The following PKD1L1 variants were observed in gnomAD, a reference collection of about 807,000 sequenced individuals.
PKD1L1 encodes the protein polycystin-1-like protein 1.
Under a neutral mutation model 323.4 loss-of-function variants are expected in PKD1L1, and 236 were observed. That is an observed-to-expected ratio of 0.73 (90% CI 0.66 to 0.81). PKD1L1 has a LOEUF of 0.81. PKD1L1 is among the 40% of genes least tolerant of loss of function. The probability of loss-of-function intolerance (pLI) is 0.00; values close to 1 mark genes in which losing one functional copy is unlikely to be tolerated. For synonymous variants in PKD1L1, 1,344 were observed against 1,335.0 expected (o/e 1.01, Z -0.15); for missense variants, 3,320 against 3,508.0 (o/e 0.95, Z 1.35).
At chr7:47,886,277 A>C (rs1786682730) in intron 17 of PKD1L1, among the ~76,000 whole-genome samples, 1 of 152,006 alleles carries the variant, frequency 6.6e-6, no homozygotes, top group Non-Finnish European at 1.5e-5. Context: ...AGAAGGCAGG[A>C]TTCACAGCGA....
Position 47,917,613 on chromosome 7 carries a change from A to T in PKD1L1, c.1061-2014T>A, listed in dbSNP as rs564452623. ...CCAGGTAACCTATAAAGGAAAACGT[A>T]TCAGATTAGCAGCAGATTTCTCAGC... On this transcript the variant is annotated intron_variant, in intron 7 of 56. Transcript: ENST00000289672. Among the ~76,000 whole-genome samples, 78 of 152,378 alleles carry T rather than the reference A, an allele frequency of 5.1e-4. 1 individual carries two copies. Among genetic ancestry groups the T allele is most frequent in the Admixed American group, 8.5e-4 (13 of 15,304 alleles).
In PKD1L1 at chr7:47,835,055, G is replaced by A. The variant is rs756704813; in HGVS notation, c.6055-16C>T. ...CCGGGGCTTCCTGCAGAAGGAAAGA[G>A]GTGGTTCGCCAAGCGTGTTCCCCAG... On this transcript the variant is annotated splice_polypyrimidine_tract_variant and intron_variant, in intron 38 of 56. Transcript: ENST00000289672. The A allele has an allele frequency of 2.0e-5, 32 of 1,613,266 alleles. No individual in the cohort carries two copies. In the South Asian group the frequency reaches 3.4e-4, roughly 17 times the overall value.
At chr7:47,804,942 T>C (rs1584954784) in intron 52 of PKD1L1, among the ~76,000 whole-genome samples, 1 of 152,044 alleles carries the variant, frequency 6.6e-6, no homozygotes, top group Non-Finnish European at 1.5e-5. Flanking sequence ...GTGGACAGAG[T>C]GGAAGGGCCG....
rs1785474863 is a variant in PKD1L1, at chr7:47,837,077, G to C, written c.5787C>G (p.Phe1929Leu). 1 of 1,613,976 alleles carries C rather than the reference G, an allele frequency of 6.2e-7. No homozygotes were observed. The highest frequency in any genetic ancestry group is 1.7e-5 in the Admixed American group (1 of 59,994). ...LGFRKLFYCK[F>L]TEYLEDFHVW... ...CATGGAAATCCTCCAGGTACTCTGT[G>C]AACTTGCAATAGAAAAGCTGAAACG... Residue 1929 changes from phenylalanine (F) to leucine (L), a missense_variant, in exon 37 of 57, where the codon TTC (phenylalanine) becomes TTG (leucine). Physicochemically the swap from Phe to Leu is conservative, Grantham distance 22. Transcript: ENST00000289672.
At chr7:47,885,354 A>G (rs1786658458) in intron 18 of PKD1L1, among the ~76,000 whole-genome samples, 1 of 152,196 alleles carries the variant, frequency 6.6e-6, no homozygotes, top group Non-Finnish European at 1.5e-5. Flanking sequence ...AAACCCAATG[A>G]TAAAGTGAAG....
intron 31 of PKD1L1, among the ~76,000 whole-genome samples, chr7:47,848,001 T>C (rs1013727972): frequency 3.9e-5 from 6 of 152,142 alleles, no homozygotes; most frequent in South Asian, 2.1e-4. Context: ...GCTTTAAATA[T>C]ATGAAAAAAT....
chr7:47,903,940 A>G (rs1413726592), intron 12 of PKD1L1, among the ~76,000 whole-genome samples: 1 of 152,166 alleles, frequency 6.6e-6, no homozygotes, highest in Non-Finnish European at 1.5e-5. Flanking sequence ...ATATGACATC[A>G]AGGCCCTTCA....
At chr7:47,838,402 A>T (rs940729871) in intron 36 of PKD1L1, among the ~76,000 whole-genome samples, 2 of 152,226 alleles carry the variant, frequency 1.3e-5, no homozygotes, top group African/African-American at 4.8e-5. Flanking sequence ...GGAAGTACTC[A>T]TCAGGGACAC....
intron 21 of PKD1L1, among the ~76,000 whole-genome samples, chr7:47,879,669 C>A (rs547387998): frequency 7.1e-6 from 1 of 141,820 alleles, no homozygotes; most frequent in South Asian, 2.3e-4. Flanking sequence ...CACGGTGGCT[C>A]ACGCCTGTAA....
At chr7:47,822,465 G>A (rs966902252) in intron 45 of PKD1L1, among the ~76,000 whole-genome samples, 5 of 151,696 alleles carry the variant, frequency 3.3e-5, no homozygotes, top group African/African-American at 1.2e-4. Context: ...CATGGTGGCA[G>A]ACACCTGTAA....
chr7:47,829,413 A>C lies in PKD1L1; in HGVS notation c.6735+12T>G, dbSNP rs757476317. 22 of 1,586,360 alleles carry C rather than the reference A, an allele frequency of 1.4e-5. No individual in the cohort carries two copies. In the South Asian group the frequency reaches 2.4e-4, roughly 17 times the overall value. On this transcript the variant is annotated intron_variant, in intron 44 of 56. Transcript: ENST00000289672. ...AAATCTCAATTTGCACTGCATAGGT[A>C]ATTTTTTTTACTTTTTCAACCTCGC...
intron 9 of PKD1L1, among the ~76,000 whole-genome samples, chr7:47,907,631 T>C (rs1189472301): frequency 6.6e-6 from 1 of 152,150 alleles, no homozygotes; most frequent in African/African-American, 2.4e-5. Flanking sequence ...CTTTCTCAAT[T>C]CTGTTTTAGC....
intron 54 of PKD1L1, among the ~76,000 whole-genome samples, chr7:47,797,294 A>G (rs1475137182): frequency 6.6e-6 from 1 of 152,220 alleles, no homozygotes; most frequent in East Asian, 1.9e-4. Flanking sequence ...GGACAGTTTC[A>G]TAGCATGAAG....
Position 47,885,758 on chromosome 7 carries a change from T to C in PKD1L1, c.3133A>G (p.Ser1045Gly), listed in dbSNP as rs774873859. The C allele has an allele frequency of 6.2e-7, 1 of 1,614,178 alleles. No homozygotes were observed. The highest frequency in any genetic ancestry group is 1.1e-5 in the South Asian group (1 of 91,088). The change falls in exon 18 of 57, where the codon AGC becomes GGC. Residue 1045 changes from serine (S) to glycine (G), a missense_variant. By Grantham distance (56) the Ser-to-Gly change is moderately conservative (BLOSUM62 0). Coordinates refer to ENST00000289672, the MANE Select transcript of PKD1L1 (RefSeq NM_138295.5). Reference protein sequence around the residue: ...GSLDLEPGPQSKGSLMTGRSE... With the variant: ...GSLDLEPGPQGKGSLMTGRSE... Reference sequence around the variant, plus strand: ...CGGCCAGTCATCAGGGATCCCTTGCTCTGTGGCCCTGGCTCTAGGTCTAGT... The same window carrying C: ...CGGCCAGTCATCAGGGATCCCTTGCCCTGTGGCCCTGGCTCTAGGTCTAGT...
intron 7 of PKD1L1, among the ~76,000 whole-genome samples, chr7:47,919,028 A>G (rs577929417): frequency 8.5e-5 from 13 of 152,326 alleles, no homozygotes; most frequent in African/African-American, 3.1e-4. Context: ...TCAGAGCAGA[A>G]CTAAATGAAA....
At chr7:47,813,314 C>T in intron 48 of PKD1L1, 21 bp from the exon 49 acceptor site, 1 of 1,612,894 alleles carries the variant, frequency 6.2e-7, no homozygotes, top group Non-Finnish European at 8.5e-7. Flanking sequence ...AACCAGCAGT[C>T]AGAAGACACA....
At chr7:47,903,157 G>A (rs1787128495) in intron 12 of PKD1L1, among the ~76,000 whole-genome samples, 1 of 152,172 alleles carries the variant, frequency 6.6e-6, no homozygotes, top group South Asian at 2.1e-4. Flanking sequence ...TTGCAACATG[G>A]ATAACTACTT....
rs577596651 is a variant in PKD1L1 at position 47,867,013 on chromosome 7, A to G, written c.3897-399T>C. Among the ~76,000 whole-genome samples the G allele has an allele frequency of 3.3e-5, 5 of 152,322 alleles. No individual in the cohort carries two copies. The South Asian group carries it at 6.2e-4, about 19-fold the overall frequency. On this transcript the variant is annotated intron_variant, in intron 24 of 56. Coordinates refer to ENST00000289672, the MANE Select transcript of PKD1L1 (RefSeq NM_138295.5). ...AAACAGCATACTTACTTGCACTGGA[A>G]AAGATAACACAGTATTGTGAAAAGA...
At chr7:47,843,823 G>T (rs1477453274) in intron 33 of PKD1L1, among the ~76,000 whole-genome samples, 2 of 152,096 alleles carry the variant, frequency 1.3e-5, no homozygotes, top group Admixed American at 6.5e-5. Flanking sequence ...GATCTCAGAG[G>T]GTGGGCACCA....
Sources: gnomAD v4.1 joint callset for allele counts (sites outside exome capture counted in the v4.1 genomes callset) on GRCh38, gnomAD v4.1.1 for gene constraint, MANE v1.5 for transcripts, NCBI Gene and HGNC (gene_info 2026-07-23, HGNC 2026-07-21) for gene names.